Variants in SCFD2 observed in about 807,000 individuals in gnomAD.
The protein encoded by SCFD2 is sec1 family domain-containing protein 2.
In SCFD2, 54 loss-of-function variants were observed where a neutral mutation model predicts 58.9. The observed-to-expected ratio is 0.92, with a 90% CI of 0.74 to 1.15. The LOEUF is 1.15. Ranked by LOEUF, SCFD2 falls within the 50% of genes most tolerant of loss-of-function variation. The probability of loss-of-function intolerance (pLI) is 0.00; values close to 1 mark genes in which losing one functional copy is unlikely to be tolerated. For missense variants in SCFD2, 805 were observed against 836.6 expected (o/e 0.96, Z 0.47); for synonymous variants, 321 against 335.9 (o/e 0.96, Z 0.49).
chr4:52,885,683 G>A lies in SCFD2; in HGVS notation c.1962+64C>T, dbSNP rs1174999161. The A allele has an allele frequency of 4.4e-6, 7 of 1,592,480 alleles. No homozygotes were observed. In the East Asian group the frequency reaches 1.4e-4, roughly 31 times the overall value. ...GGGCACTGGGACCCATAGGTGGAGG[G>A]CCCTCACCCACCCTTCACACCCCTA... On this transcript the variant is annotated intron_variant, in intron 8 of 8. Coordinates refer to ENST00000401642, the MANE Select transcript of SCFD2 (RefSeq NM_152540.4).
chr4:52,989,427 A>C (rs968528321), intron 5 of SCFD2, among the ~76,000 whole-genome samples: 6 of 152,200 alleles, frequency 3.9e-5, no homozygotes, highest in African/African-American at 1.4e-4. Flanking sequence ...ATTTCCTTTA[A>C]TATTATATGA....
intron 3 of SCFD2, among the ~76,000 whole-genome samples, chr4:53,296,093 A>G (rs567817152): frequency 6.6e-6 from 1 of 152,148 alleles, no homozygotes; most frequent in Non-Finnish European, 1.5e-5. Flanking sequence ...TTGGCTTAAA[A>G]TTTTCTTTTT....
chr4:53,283,934 A>G (rs1431148706), intron 3 of SCFD2, among the ~76,000 whole-genome samples: 2 of 151,726 alleles, frequency 1.3e-5, no homozygotes, highest in East Asian at 3.9e-4. Context: ...TGGTTAACAC[A>G]GTGAAACCCC....
At chr4:53,078,863 C>A (rs1233685794) in intron 5 of SCFD2, among the ~76,000 whole-genome samples, 4 of 152,146 alleles carry the variant, frequency 2.6e-5, no homozygotes, top group Admixed American at 2.0e-4. Flanking sequence ...GCATTTTAGT[C>A]AGGGTTCCCA....
At chr4:52,991,631 A>T (rs1721614848) in intron 5 of SCFD2, among the ~76,000 whole-genome samples, 1 of 152,160 alleles carries the variant, frequency 6.6e-6, no homozygotes, top group Non-Finnish European at 1.5e-5. Context: ...AATGCACCAC[A>T]TCTGAGCAGA....
In SCFD2 at chr4:53,365,777, G is replaced by A. The variant is rs1435648664; in HGVS notation, c.165C>T (p.His55=). 1 of 1,613,816 alleles carries A rather than the reference G, an allele frequency of 6.2e-7. No individual in the cohort carries two copies. Among genetic ancestry groups the A allele is most frequent in the African/African-American group, 1.3e-5 (1 of 74,910 alleles). The change falls in exon 1 of 9, where the codon CAC becomes CAT. Residue 55 remains histidine, a synonymous_variant. Coordinates refer to ENST00000401642, the MANE Select transcript of SCFD2 (RefSeq NM_152540.4). This position sits in a 1 kb window ranked among gnomAD's most constrained non-coding sequence, Gnocchi z 4.3. Reference sequence around the variant, plus strand: ...TTGCGTCGGGCTCGAACTCTCGCAGGTGACAGTCAGGACCCCCCACCGCCT... The same window carrying A: ...TTGCGTCGGGCTCGAACTCTCGCAGATGACAGTCAGGACCCCCCACCGCCT... ...LLEAVGGPDC[H]LREFEPDAIG... is the part of the protein sequence containing the mutation.
intron 5 of SCFD2, among the ~76,000 whole-genome samples, chr4:53,058,782 T>A (rs1428688414): frequency 6.6e-6 from 1 of 152,120 alleles, no homozygotes; most frequent in Non-Finnish European, 1.5e-5. Flanking sequence ...GAAGACTGAA[T>A]ATACAAGTTT....
intron 4 of SCFD2, among the ~76,000 whole-genome samples, chr4:53,152,607 C>T (rs1316703224): frequency 6.6e-6 from 1 of 152,124 alleles, no homozygotes; most frequent in Non-Finnish European, 1.5e-5. Context: ...TCCATGGCCT[C>T]CTCAAATCTC....
chr4:53,017,880 C>T (rs115264747), intron 5 of SCFD2, among the ~76,000 whole-genome samples: 2,228 of 138,514 alleles, frequency 0.016, 56 homozygotes, highest in African/African-American at 0.051. Context: ...TAGGTCATTC[C>T]CCAAAGTATC....
chr4:52,983,080 C>T (rs1721412419), intron 5 of SCFD2, among the ~76,000 whole-genome samples: 1 of 152,150 alleles, frequency 6.6e-6, no homozygotes, highest in Non-Finnish European at 1.5e-5. Flanking sequence ...ATGGTTCAAC[C>T]TATACAAGGT....
intron 5 of SCFD2, among the ~76,000 whole-genome samples, chr4:53,092,097 AT>A (rs1724487443): frequency 6.6e-6 from 1 of 152,174 alleles, no homozygotes; most frequent in Non-Finnish European, 1.5e-5. Flanking sequence ...CATATGACAT[AT>A]TGTGCAAATT....
At chr4:53,155,223 C>T (rs1463538482) in intron 4 of SCFD2, among the ~76,000 whole-genome samples, 1 of 152,126 alleles carries the variant, frequency 6.6e-6, no homozygotes, top group Non-Finnish European at 1.5e-5. Flanking sequence ...TGTTTGTCCC[C>T]TCCAAAACTC....
chr4:53,036,747 A>C (rs530913435), intron 5 of SCFD2, among the ~76,000 whole-genome samples: 4 of 152,244 alleles, frequency 2.6e-5, no homozygotes, highest in African/African-American at 9.6e-5. Context: ...AATGTAGGTG[A>C]CAGGTTGATG....
At chr4:53,166,772 A>T (rs1727020811) in intron 4 of SCFD2, among the ~76,000 whole-genome samples, 1 of 151,684 alleles carries the variant, frequency 6.6e-6, no homozygotes, top group Non-Finnish European at 1.5e-5. Flanking sequence ...ATTAAAGATA[A>T]CACAAGGACC....
chr4:53,129,961 T>G (rs1018984876), intron 5 of SCFD2, among the ~76,000 whole-genome samples: 5 of 152,230 alleles, frequency 3.3e-5, no homozygotes, highest in Non-Finnish European at 7.3e-5. Flanking sequence ...TGGTTTTCTC[T>G]GGGTAGTGGG....
Position 53,365,738 on chromosome 4 carries a change from G to C in SCFD2, c.204C>G (p.Ala68=). Residue 68 remains alanine, a synonymous_variant, in exon 1 of 9, where the codon GCC becomes GCG. Transcript: ENST00000401642. This position sits in a 1 kb window ranked among gnomAD's most constrained non-coding sequence, Gnocchi z 4.3. The stretch of plus-strand genomic sequence containing the variant: ...GCACAAACACTGCCTTGGGCTGCTT[G>C]GCTCCACCACCAATTGCGTCGGGCT... ...EFEPDAIGGG[A]KQPKAVFVLS... 6.2e-7 allele frequency: 1 copy of C among 1,614,000 alleles called. No individual in the cohort carries two copies. The highest frequency in any genetic ancestry group is 8.5e-7 in the Non-Finnish European group (1 of 1,179,964).
chr4:53,286,577 G>A (rs1399813932), intron 3 of SCFD2, among the ~76,000 whole-genome samples: 1 of 151,972 alleles, frequency 6.6e-6, no homozygotes, highest in Non-Finnish European at 1.5e-5. Context: ...AGTTAATAAA[G>A]GAAACCAGGG....
rs548178883 is a variant in SCFD2, at chr4:52,997,380, T to A, written c.1562-76510A>T. Reference sequence around the variant, plus strand: ...GGAGGGCCCTGGTGTTAGGGGCAACTGGAACTTTCCGTGGCAGGAATAGAA... The same window carrying A: ...GGAGGGCCCTGGTGTTAGGGGCAACAGGAACTTTCCGTGGCAGGAATAGAA... On this transcript the variant is annotated intron_variant, in intron 5 of 8. Coordinates refer to ENST00000401642, the MANE Select transcript of SCFD2 (RefSeq NM_152540.4). 1.8e-4 allele frequency among the ~76,000 whole-genome samples: 27 copies of A among 152,330 alleles called. No individual in the cohort carries two copies. The South Asian group carries it at 5.4e-3, about 30-fold the overall frequency.
At chr4:53,302,794 C>T (rs1198320396) in intron 3 of SCFD2, among the ~76,000 whole-genome samples, 2 of 152,086 alleles carry the variant, frequency 1.3e-5, no homozygotes, top group South Asian at 2.1e-4. Context: ...AGAAATAATG[C>T]TGCATATCTA....
Sources: gnomAD v4.1 joint callset for allele counts (sites outside exome capture counted in the v4.1 genomes callset) on GRCh38, gnomAD v4.1.1 for gene constraint, Gnocchi (gnomAD v3.1) non-coding constraint, MANE v1.5 for transcripts, NCBI Gene and HGNC (gene_info 2026-07-23, HGNC 2026-07-21) for gene names.